The following PRRC2B variants were observed in gnomAD, a reference collection of about 807,000 sequenced individuals.
PRRC2B encodes protein PRRC2B.
A neutral mutation model predicts 242.3 loss-of-function variants in PRRC2B; 68 were observed. That is an observed-to-expected ratio of 0.28 (90% CI 0.23 to 0.34). The LOEUF is 0.34. Ranked by LOEUF, PRRC2B falls within the 10% of genes least tolerant of loss-of-function variation. PRRC2B has a pLI of 1.00. For missense variants in PRRC2B, 2,835 were observed against 2,954.8 expected (o/e 0.96, Z 0.94); for synonymous variants, 1,228 against 1,173.6 (o/e 1.05, Z -0.95).
intron 1 of PRRC2B, among the ~76,000 whole-genome samples, chr9:131,426,060 A>G (rs903300799): frequency 1.3e-5 from 2 of 151,936 alleles, no homozygotes; most frequent in Non-Finnish European, 2.9e-5. Flanking sequence ...CGATGTTGCC[A>G]GGCACGGTGG....
intron 1 of PRRC2B, among the ~76,000 whole-genome samples, chr9:131,404,006 C>T (rs1022836853): frequency 3.3e-5 from 5 of 151,972 alleles, no homozygotes; most frequent in Admixed American, 1.3e-4. Context: ...GTCTTGAACT[C>T]CTGGCCTCAA....
intron 1 of PRRC2B, among the ~76,000 whole-genome samples, chr9:131,425,096 C>T (rs1205740719): frequency 6.6e-6 from 1 of 152,086 alleles, no homozygotes; most frequent in African/African-American, 2.4e-5. Flanking sequence ...AGTGATTCTC[C>T]TGCTTTAGCC....
Position 131,485,085 on chromosome 9 carries a change from A to C in PRRC2B, c.5703A>C (p.Gly1901=). ...SSGVNYSSFG[G]VSMPPMPVAS... Reference sequence around the variant, plus strand: ...GGGTCAACTACAGCTCCTTCGGTGGAGTGTCCATGCCACCCATGCCTGTGG... The same window carrying C: ...GGGTCAACTACAGCTCCTTCGGTGGCGTGTCCATGCCACCCATGCCTGTGG... Residue 1901 remains glycine, a synonymous_variant, in exon 25 of 32, where the codon GGA becomes GGC. Coordinates refer to ENST00000683519, the MANE Select transcript of PRRC2B (RefSeq NM_013318.4). 1 of 1,604,768 alleles carries C rather than the reference A, an allele frequency of 6.2e-7. No homozygotes were observed. Among genetic ancestry groups the C allele is most frequent in the South Asian group, 1.1e-5 (1 of 89,436 alleles).
chr9:131,475,447 C>T lies in PRRC2B; in HGVS notation c.3318C>T (p.Ser1106=), dbSNP rs373631803. ...ARSIYCSSQR[S]GRGRGLREFA... ...GCATCTACTGCAGCAGTCAGCGCAG[C>T]GGCCGTGGCCGGGGCCTGCGAGAGT... Residue 1106 remains serine (S), a synonymous_variant, in exon 16 of 32, where the codon AGC becomes AGT. Transcript: ENST00000683519. 9.9e-5 allele frequency: 156 copies of T among 1,579,818 alleles called. No homozygotes were observed. Among genetic ancestry groups the T allele is most frequent in the Middle Eastern group, 1.7e-4 (1 of 5,890 alleles).
chr9:131,479,077 G>A (rs529208967), intron 18 of PRRC2B, among the ~76,000 whole-genome samples, 175 bp from the exon 19 acceptor site: 2 of 152,252 alleles, frequency 1.3e-5, no homozygotes, highest in South Asian at 2.1e-4. Context: ...TCTTTCTTGG[G>A]GGGTGCTTTG....
At chr9:131,484,609 G>C in intron 23 of PRRC2B, 77 bp from the exon 24 acceptor site, 1 of 1,164,986 alleles carries the variant, frequency 8.6e-7, no homozygotes, top group East Asian at 2.4e-5. Context: ...GTGTGTTCAG[G>C]AGAGCCATGG....
chr9:131,483,024 C>G, intron 22 of PRRC2B, 117 bp downstream of exon 22: 1 of 1,202,540 alleles, frequency 8.3e-7, no homozygotes, highest in Non-Finnish European at 1.2e-6. Flanking sequence ...GGGAGCCAAG[C>G]AGTCTTCCAG....
chr9:131,488,454 T>A (rs542548153), intron 28 of PRRC2B, among the ~76,000 whole-genome samples: 38 of 152,144 alleles, frequency 2.5e-4, no homozygotes, highest in South Asian at 6.2e-4. Context: ...AGAGATGGGG[T>A]TTCACCATGT....
chr9:131,434,069 C>CG, intron 3 of PRRC2B, among the ~76,000 whole-genome samples: 1 of 152,256 alleles, frequency 6.6e-6, no homozygotes, highest in East Asian at 1.9e-4. Flanking sequence ...AGTGTCCCCC[C>CG]CTTGAAATAG....
chr9:131,442,141 T>C (rs1838611336), intron 5 of PRRC2B, among the ~76,000 whole-genome samples: 1 of 152,068 alleles, frequency 6.6e-6, no homozygotes, highest in African/African-American at 2.4e-5. Flanking sequence ...TTTGTTTGTT[T>C]GTTTTTTTTT....
chr9:131,398,270 C>A (rs370191234), intron 1 of PRRC2B, among the ~76,000 whole-genome samples: 1 of 152,170 alleles, frequency 6.6e-6, no homozygotes, highest in Non-Finnish European at 1.5e-5. Context: ...GTAGGTTTGT[C>A]TTAGTGTCTT....
chr9:131,434,699 A>C (rs867334776), intron 3 of PRRC2B, among the ~76,000 whole-genome samples: 1 of 152,208 alleles, frequency 6.6e-6, no homozygotes, highest in Non-Finnish European at 1.5e-5. Flanking sequence ...GCTTCCATTT[A>C]CAGATAAGCC....
In PRRC2B at chr9:131,448,059, A is replaced by T. The variant is rs548548423; in HGVS notation, c.1120+255A>T. ...TTTTGTTGTTAACTTTTTAAAAATTATTGATGATGCAAAATTTAAACAAAA... is the reference window on the plus strand; with the variant it reads ...TTTTGTTGTTAACTTTTTAAAAATTTTTGATGATGCAAAATTTAAACAAAA... On this transcript the variant is annotated intron_variant, in intron 9 of 31. Transcript: ENST00000683519. 3 of 354,580 alleles carry T rather than the reference A, an allele frequency of 8.5e-6. No homozygotes were observed. The East Asian group carries it at 1.3e-4, about 15-fold the overall frequency. The allele number at this position is 354,580 out of a possible 1,614,324, so 22.0% of individuals were successfully genotyped here.
chr9:131,415,238 A>G (rs1178463071), intron 1 of PRRC2B, among the ~76,000 whole-genome samples: 1 of 152,020 alleles, frequency 6.6e-6, no homozygotes, highest in Non-Finnish European at 1.5e-5. Flanking sequence ...CAGGTGATCC[A>G]CCCGCCTTGG....
chr9:131,409,799 C>G (rs1006407383), intron 1 of PRRC2B, among the ~76,000 whole-genome samples: 2 of 152,144 alleles, frequency 1.3e-5, no homozygotes, highest in African/African-American at 4.8e-5. Context: ...TGTCAGTGGC[C>G]CTCAGAAACT....
intron 9 of PRRC2B, among the ~76,000 whole-genome samples, chr9:131,452,375 A>G (rs927880143): frequency 2.0e-5 from 3 of 152,184 alleles, no homozygotes; most frequent in African/African-American, 4.8e-5. Flanking sequence ...AAATGTTTTC[A>G]GTAATTTATT....
rs958060414 is a variant in PRRC2B at position 131,467,533 on chromosome 9, G to A, written c.1721-30G>A. ...TTGGCTGAGCTTCTGTGAGCTCACT[G>A]TGTCATTTCTCTGCTGGTATATTCT... On this transcript the variant is annotated intron_variant, in intron 12 of 31. Coordinates refer to ENST00000683519, the MANE Select transcript of PRRC2B (RefSeq NM_013318.4). The A allele has an allele frequency of 9.7e-6, 15 of 1,539,160 alleles. No homozygotes were observed. The African/African-American group carries it at 1.8e-4, about 18-fold the overall frequency.
In PRRC2B at chr9:131,440,837, C is replaced by CATGGTGACTCAT. The variant is rs1283176549; in HGVS notation, c.469+1777_469+1778insTGGTGACTCATA. 2.0e-3 allele frequency among the ~76,000 whole-genome samples: 298 copies of CATGGTGACTCAT among 152,002 alleles called. 1 individual carries two copies. Among genetic ancestry groups the CATGGTGACTCAT allele is most frequent in the African/African-American group, 6.9e-3 (284 of 41,458 alleles). ...GTAAAAAATGGGGGTGAGGGCTGGA[C>CATGGTGACTCAT]ACCTGTAATCCCAGGACTTTGGGAG... On this transcript the variant is annotated intron_variant, in intron 5 of 31. Transcript: ENST00000683519.
In PRRC2B at chr9:131,446,754, A is replaced by G. The variant is rs749401308; in HGVS notation, c.855+112A>G. On this transcript the variant is annotated intron_variant, in intron 7 of 31. Coordinates refer to ENST00000683519, the MANE Select transcript of PRRC2B (RefSeq NM_013318.4). This position sits in a 1 kb window ranked among gnomAD's most constrained non-coding sequence, Gnocchi z 4.1. ...GGTCTCCTCTTGGCCCTGTTACCCT[A>G]CTTCTGAGGCTTCCACTCGTTTTGC... 37 of 1,236,414 alleles carry G rather than the reference A, an allele frequency of 3.0e-5. 1 individual carries two copies. In the South Asian group the frequency reaches 3.1e-4, roughly 10 times the overall value. The allele number at this position is 1,236,414 out of a possible 1,614,324, so 76.6% of individuals were successfully genotyped here.
Sources: allele counts gnomAD v4.1 joint callset (sites outside exome capture counted in the v4.1 genomes callset), GRCh38; gene constraint gnomAD v4.1.1; non-coding constraint Gnocchi (gnomAD v3.1); transcripts MANE v1.5; gene names NCBI Gene and HGNC (gene_info 2026-07-23, HGNC 2026-07-21).